FBXW7: variants seen among roughly 807,000 people sequenced by gnomAD.
The protein encoded by FBXW7 is F-box/WD repeat-containing protein 7.
A neutral mutation model predicts 86.3 loss-of-function variants in FBXW7; 11 were observed. That is an observed-to-expected ratio of 0.13 (90% CI 0.08 to 0.21). FBXW7 has a LOEUF of 0.21. Among genes scored for constraint, FBXW7 ranks in the 10% least tolerant of loss-of-function variants. The pLI is 1.00. For missense variants in FBXW7, 488 were observed against 847.4 expected (o/e 0.58, Z 5.27); for synonymous variants, 313 against 297.9 (o/e 1.05, Z -0.52).
chr4:152,534,323 T>C (rs1007417216), intron 2 of FBXW7, among the ~76,000 whole-genome samples: 3 of 151,690 alleles, frequency 2.0e-5, no homozygotes, highest in Non-Finnish European at 4.4e-5. Context: ...ATGTGATAAA[T>C]GCTCTTCCCC....
intron 4 of FBXW7, among the ~76,000 whole-genome samples, chr4:152,378,457 C>T (rs1451497124): frequency 6.6e-6 from 1 of 152,094 alleles, no homozygotes; most frequent in Non-Finnish European, 1.5e-5. Context: ...GTTGCTGATG[C>T]CTATGCTACA....
chr4:152,354,327 G>C (rs922982445), intron 4 of FBXW7, among the ~76,000 whole-genome samples: 1 of 151,840 alleles, frequency 6.6e-6, no homozygotes, highest in Non-Finnish European at 1.5e-5. Context: ...ATCTCACTTC[G>C]AAGGGAAGCA....
intron 4 of FBXW7, among the ~76,000 whole-genome samples, chr4:152,409,169 GGTTT>G (rs1476362859): frequency 2.0e-5 from 3 of 152,030 alleles, no homozygotes; most frequent in African/African-American, 4.8e-5. Flanking sequence ...CTGTCCACAG[GGTTT>G]GTTTATGAGA....
chr4:152,337,740 G>C (rs1369883785), intron 7 of FBXW7, 62 bp downstream of exon 7: 25 of 1,490,608 alleles, frequency 1.7e-5, no homozygotes, highest in Non-Finnish European at 6.4e-6. Context: ...GTTTAAAGGT[G>C]GTAGCTGTTG....
At chr4:152,516,291 T>C (rs1374356594) in intron 2 of FBXW7, among the ~76,000 whole-genome samples, 1 of 152,210 alleles carries the variant, frequency 6.6e-6, no homozygotes, top group Non-Finnish European at 1.5e-5. Context: ...AGGTGGAGTA[T>C]TATCGCCTGA....
At chr4:152,330,329 T>C (rs1374941692) in intron 9 of FBXW7, among the ~76,000 whole-genome samples, 1 of 151,942 alleles carries the variant, frequency 6.6e-6, no homozygotes, top group Non-Finnish European at 1.5e-5. Flanking sequence ...ACCAGAATTA[T>C]GCTTCAATTT....
At chr4:152,448,616 T>A (rs1560910443) in intron 2 of FBXW7, among the ~76,000 whole-genome samples, 1 of 152,110 alleles carries the variant, frequency 6.6e-6, no homozygotes, top group Non-Finnish European at 1.5e-5. Flanking sequence ...AGATGAGAAT[T>A]TGACTTAAAA....
intron 2 of FBXW7, among the ~76,000 whole-genome samples, chr4:152,454,239 G>C (rs1234158639): frequency 7.0e-6 from 1 of 143,856 alleles, no homozygotes; most frequent in African/African-American, 2.6e-5. Context: ...TTACTGGAGA[G>C]TAACTCTCTA....
intron 10 of FBXW7, among the ~76,000 whole-genome samples, chr4:152,329,327 A>G (rs763943368): frequency 2.0e-5 from 3 of 151,996 alleles, no homozygotes; most frequent in Non-Finnish European, 4.4e-5. Context: ...TTTGAAAAAC[A>G]TTACAAAGTA....
chr4:152,387,389 G>GTTT (rs1735613300), intron 4 of FBXW7, among the ~76,000 whole-genome samples: 1 of 152,042 alleles, frequency 6.6e-6, no homozygotes, highest in South Asian at 2.1e-4. Context: ...CACAGATACA[G>GTTT]AGTAAAGCAG....
intron 2 of FBXW7, among the ~76,000 whole-genome samples, chr4:152,469,540 C>G (rs995615518): frequency 3.9e-5 from 6 of 152,038 alleles, no homozygotes; most frequent in African/African-American, 1.4e-4. Context: ...TGGCATGTTG[C>G]AGCAAACAGG....
At chr4:152,462,912 C>T (rs1579270818) in intron 2 of FBXW7, among the ~76,000 whole-genome samples, 1 of 150,412 alleles carries the variant, frequency 6.6e-6, no homozygotes, top group Non-Finnish European at 1.5e-5. Flanking sequence ...ACTTCCACTT[C>T]CAGTCTTTTT....
chr4:152,419,985 A>G (rs143671143), intron 2 of FBXW7, among the ~76,000 whole-genome samples: 277 of 152,300 alleles, frequency 1.8e-3, no homozygotes, highest in African/African-American at 6.5e-3. Flanking sequence ...TAAGACAACA[A>G]TAAAGTTAGC....
intron 2 of FBXW7, among the ~76,000 whole-genome samples, chr4:152,452,709 G>A (rs556052832): frequency 6.6e-5 from 10 of 152,232 alleles, no homozygotes; most frequent in African/African-American, 2.2e-4. Flanking sequence ...TATAAGAACA[G>A]CTTCTAAAAC....
intron 5 of FBXW7, 41 bp downstream of exon 5, chr4:152,350,001 A>C: frequency 1.5e-5 from 18 of 1,180,476 alleles, no homozygotes; most frequent in Non-Finnish European, 2.0e-5. Flanking sequence ...TCAACTCTAA[A>C]AAACTGAGAA....
At position 152,322,304 on chromosome 4, in the gene FBXW7, T is replaced by C. The variant is rs186636447; in HGVS notation, c.*577A>G. ...TAACAGAGGCTAATACTGTGATTGA[T>C]TGACATTGGCAATGGTTGGCAAAAA... On this transcript the variant is annotated 3_prime_UTR_variant, in exon 14 of 14. Coordinates refer to ENST00000281708, the MANE Select transcript of FBXW7 (RefSeq NM_001349798.2). The C allele has an allele frequency of 2.3e-4, 53 of 228,310 alleles. 1 individual carries two copies. In the East Asian group the frequency reaches 2.8e-3, roughly 12 times the overall value. The allele number at this position is 228,310 out of a possible 1,614,324, so 14.1% of individuals were successfully genotyped here.
rs773307966 is a variant in FBXW7 at position 152,324,171 on chromosome 4, G to A, written c.1855+13C>T. 8 of 1,593,670 alleles carry A rather than the reference G, an allele frequency of 5.0e-6. No individual in the cohort carries two copies. The African/African-American group carries it at 1.1e-4, about 21-fold the overall frequency. The stretch of plus-strand genomic sequence containing the variant: ...ATTTTTAATGAACAAAACGAAAGGT[G>A]AGTAAGACTTACCTTGCAATGTTTG... On this transcript the variant is annotated intron_variant, in intron 13 of 13. Coordinates refer to ENST00000281708, the MANE Select transcript of FBXW7 (RefSeq NM_001349798.2).
At chr4:152,344,094 G>A (rs1731015292) in intron 6 of FBXW7, among the ~76,000 whole-genome samples, 2 of 152,058 alleles carry the variant, frequency 1.3e-5, no homozygotes, top group Non-Finnish European at 1.5e-5. Context: ...CAGTATATTT[G>A]TAGAAAACAT....
chr4:152,373,486 C>T (rs1363050923), intron 4 of FBXW7, among the ~76,000 whole-genome samples: 2 of 152,086 alleles, frequency 1.3e-5, no homozygotes, highest in African/African-American at 4.8e-5. Flanking sequence ...GTTCTCTACT[C>T]TAGGTGCTCA....
Sources: allele counts gnomAD v4.1 joint callset (sites outside exome capture counted in the v4.1 genomes callset), GRCh38; gene constraint gnomAD v4.1.1; transcripts MANE v1.5; gene names NCBI Gene and HGNC (gene_info 2026-07-23, HGNC 2026-07-21).